SEC14L3: variants seen among roughly 807,000 people sequenced by gnomAD.
SEC14L3 encodes SEC14-like protein 3.
In SEC14L3, 56 loss-of-function variants were observed where a neutral mutation model predicts 57.4. The observed-to-expected ratio is 0.97, with a 90% confidence interval of 0.79 to 1.22. The LOEUF (loss-of-function observed/expected upper bound fraction) is 1.22. Ranked by LOEUF, SEC14L3 falls within the 50% of genes most tolerant of loss-of-function variation. The pLI is 0.00. For synonymous variants in SEC14L3, 173 were observed against 194.4 expected, an observed-to-expected ratio of 0.89 and a Z score of 0.92; for missense variants, 485 against 511.7, an observed-to-expected ratio of 0.95 and a Z score of 0.50.
At chr22:30,464,335 C>T (rs1935351319) in intron 8 of SEC14L3, among the ~76,000 whole-genome samples, 1 of 152,112 alleles carries the variant, frequency 6.6e-6, no homozygotes. Flanking sequence ...CCTTGTCCAC[C>T]AAAGGGGTAT....
At chr22:30,450,042 A>G (rs1432484936) in intron 12 of SEC14L3, among the ~76,000 whole-genome samples, 1 of 151,890 alleles carries the variant, frequency 6.6e-6, no homozygotes, top group African/African-American at 2.4e-5. Flanking sequence ...ACTGCTGTCC[A>G]GGTTCACGGA....
At chr22:30,466,833 A>G in intron 6 of SEC14L3, 149 bp downstream of exon 6, 1 of 645,944 alleles carries the variant, frequency 1.5e-6, no homozygotes, top group Non-Finnish European at 2.6e-6. Context: ...CTTCTAGGAA[A>G]GGTATTAAGG....
intron 12 of SEC14L3, among the ~76,000 whole-genome samples, chr22:30,453,566 C>T (rs991571783): frequency 3.9e-5 from 6 of 152,186 alleles, no homozygotes; most frequent in African/African-American, 1.4e-4. Flanking sequence ...GCATGCACCA[C>T]CACGCCCAGC....
chr22:30,448,902 A>G (rs754909313), exon 13 of SEC14L3: 18 of 592,822 alleles, frequency 3.0e-5, no homozygotes, highest in Non-Finnish European at 5.3e-5. Context: ...TAAAAAACAA[A>G]CAAACAAACC....
downstream of SEC14L3, among the ~76,000 whole-genome samples, chr22:30,455,145 TATATATTATATTTAATATTTA>T (rs71198555): frequency 2.0e-4 from 10 of 50,506 alleles, no homozygotes; most frequent in African/African-American, 7.1e-4. Context: ...TAATATTTAA[TATATATTATATTTAATATTTA>T]ATATATTATA....
At chr22:30,461,255 A>C in intron 11 of SEC14L3, 55 bp downstream of exon 11, 2 of 1,529,020 alleles carry the variant, frequency 1.3e-6, no homozygotes, top group South Asian at 2.6e-5. Flanking sequence ...TCTCTAAAGC[A>C]TGGGACAGGT....
At chr22:30,451,396 T>C (rs894616229) in intron 12 of SEC14L3, among the ~76,000 whole-genome samples, 6 of 152,136 alleles carry the variant, frequency 3.9e-5, no homozygotes, top group African/African-American at 1.4e-4. Flanking sequence ...GCAGGTCCGA[T>C]GACAGGTGCT....
chr22:30,471,193 G>A, intron 1 of SEC14L3: 1 of 410,690 alleles, frequency 2.4e-6, no homozygotes, highest in South Asian at 1.8e-5. Flanking sequence ...GCTGAGGCAG[G>A]AGAATTGCTT....
chr22:30,461,976 A>G, intron 9 of SEC14L3, 110 bp downstream of exon 9: 1 of 1,210,480 alleles, frequency 8.3e-7, no homozygotes, highest in South Asian at 1.3e-5. Context: ...CTAGCTTAAC[A>G]CCCAGTTCTT....
At chr22:30,451,027 G>C (rs1193204758) in intron 12 of SEC14L3, among the ~76,000 whole-genome samples, 1 of 152,256 alleles carries the variant, frequency 6.6e-6, no homozygotes, top group Non-Finnish European at 1.5e-5. Context: ...TTCTGCCTGG[G>C]CTGTTGGCAG....
intron 6 of SEC14L3, among the ~76,000 whole-genome samples, chr22:30,466,718 C>T (rs1247524626): frequency 6.6e-6 from 1 of 151,846 alleles, no homozygotes. Context: ...CCCTACATTG[C>T]TATCCCCATT....
intron 12 of SEC14L3, among the ~76,000 whole-genome samples, chr22:30,452,672 C>T (rs1000523570): frequency 5.9e-5 from 9 of 151,376 alleles, no homozygotes; most frequent in South Asian, 2.1e-4. Context: ...TTGGAGTTGA[C>T]GAGTTGACTT....
In SEC14L3 at chr22:30,464,815, C is replaced by T; in HGVS notation, c.664+5G>A. 2 of 1,613,996 alleles carry T rather than the reference C, an allele frequency of 1.2e-6. No individual in the cohort carries two copies. The highest frequency in any genetic ancestry group is 2.7e-5 in the African/African-American group (2 of 75,034). ...AGGTCAGGAAATTGAGCTGGCACTACTTACTTCCCAACACAATAATTTTCC... is the reference window on the plus strand; with the variant it reads ...AGGTCAGGAAATTGAGCTGGCACTATTTACTTCCCAACACAATAATTTTCC... On this transcript the variant is annotated splice_donor_5th_base_variant and intron_variant, in intron 8 of 11. Transcript: ENST00000215812.
chr22:30,458,686 G>A (rs1935161331), downstream of SEC14L3, among the ~76,000 whole-genome samples: 2 of 152,126 alleles, frequency 1.3e-5, no homozygotes, highest in African/African-American at 4.8e-5. Flanking sequence ...GGTATTACAA[G>A]GCAACTGAGA....
chr22:30,470,579 G>A lies in SEC14L3; in HGVS notation c.58C>T (p.Arg20Ter), dbSNP rs768564832. 2.4e-5 allele frequency: 38 copies of A among 1,614,034 alleles called. No individual in the cohort carries two copies. The highest frequency in any genetic ancestry group is 1.5e-4 in the South Asian group (14 of 91,082). ...GGAAGCACATCCTGGACGTTTTCTC[G>A]GAACTGGCAAGAGAGATGCTGGTTA... The part of the protein sequence containing the change: ...PKQAETLAKF[R>*]ENVQDVLPAL... The change falls in exon 2 of 12, where the codon CGA becomes TGA. Residue 20 changes from arginine to a stop codon, truncating the protein, a stop_gained. Transcript: ENST00000215812. LOFTEE classifies it high-confidence loss of function.
At chr22:30,451,208 C>T (rs1012918212) in intron 12 of SEC14L3, among the ~76,000 whole-genome samples, 4 of 152,220 alleles carry the variant, frequency 2.6e-5, no homozygotes, top group South Asian at 2.1e-4. Context: ...GGCAGATGAA[C>T]GCCACTGCAC....
rs760651731 is a variant in SEC14L3 at position 30,467,127 on chromosome 22, G to A, written c.424-50C>T. On this transcript the variant is annotated intron_variant, in intron 5 of 11. Transcript: ENST00000215812. ...GTTCTGGAGTTCAGGGTGTAGGCTT[G>A]GGAGATGGTAATCCAAGTACATGAC... 3 of 1,610,366 alleles carry A rather than the reference G, an allele frequency of 1.9e-6. No homozygotes were observed. The Admixed American group carries it at 5.0e-5, about 27-fold the overall frequency.
At chr22:30,447,988 T>C (rs1345041057) in exon 13 of SEC14L3, 1 of 151,190 alleles carries the variant, frequency 6.6e-6, no homozygotes, top group Non-Finnish European at 1.5e-5. Flanking sequence ...GGTCTTCTGC[T>C]GGTTGCTCTA....
chr22:30,470,414 T>A, intron 2 of SEC14L3, 93 bp downstream of exon 2: 1 of 1,604,054 alleles, frequency 6.2e-7, no homozygotes, highest in Non-Finnish European at 8.5e-7. Context: ...ATTGTGTGGA[T>A]GGACCCTGAG....
Sources: gnomAD v4.1 joint callset for allele counts (sites outside exome capture counted in the v4.1 genomes callset) on GRCh38, gnomAD v4.1.1 for gene constraint, MANE v1.5 for transcripts, NCBI Gene and HGNC (gene_info 2026-07-23, HGNC 2026-07-21) for gene names.